The following RARRES2 variants were observed in gnomAD, a reference collection of about 807,000 sequenced individuals.
RARRES2 encodes the protein retinoic acid receptor responder protein 2.
In RARRES2, 12 loss-of-function variants were observed where a neutral mutation model predicts 17.9. That is an observed-to-expected ratio of 0.67 (90% confidence interval 0.43 to 1.08). The LOEUF (loss-of-function observed/expected upper bound fraction) is 1.08. RARRES2 is among the 50% of genes least tolerant of loss of function. The pLI, the probability that RARRES2 is intolerant of heterozygous loss-of-function variation, is 0.00. For missense variants in RARRES2, 220 were observed against 210.1 expected (o/e 1.05, Z -0.29); for synonymous variants, 82 against 86.8 (o/e 0.94, Z 0.31).
At chr7:150,340,856 A>G (rs1035930840) in intron 1 of RARRES2, 3 of 435,154 alleles carry the variant, frequency 6.9e-6, no homozygotes, top group African/African-American at 6.5e-5. Flanking sequence ...TGGGGCCTGC[A>G]GTTTTAGCAA....
intron 3 of RARRES2, 72 bp downstream of exon 3, chr7:150,340,028 C>G (rs978691785): frequency 9.4e-6 from 13 of 1,381,108 alleles, no homozygotes; most frequent in Non-Finnish European, 1.2e-5. Context: ...GGCATGTGCC[C>G]CACACCCCAA....
Position 150,340,103 on chromosome 7 carries a change from A to T in RARRES2, c.276T>A (p.Asn92Lys). 6.2e-7 allele frequency: 1 copy of T among 1,613,390 alleles called. No homozygotes were observed. Among genetic ancestry groups the T allele is most frequent in the Non-Finnish European group, 8.5e-7 (1 of 1,179,538 alleles). ...WKKPECKVRP[N>K]GRKRKCLACI... is the part of the protein sequence containing the mutation. Reference sequence around the variant, plus strand: ...GCTCTCACACCCCTTCACTCACCCCATTGGGCCTGACTTTGCACTCGGGTT... The same window carrying T: ...GCTCTCACACCCCTTCACTCACCCCTTTGGGCCTGACTTTGCACTCGGGTT... Residue 92 changes from asparagine to lysine, a missense_variant, in exon 3 of 6, where the codon AAT (asparagine) becomes AAA (lysine). Asn to Lys is a moderately conservative substitution (Grantham distance 94, BLOSUM62 0). Transcript: ENST00000223271.
chr7:150,338,898 A>G (rs918072436), intron 4 of RARRES2, 88 bp downstream of exon 4: 5 of 1,542,430 alleles, frequency 3.2e-6, no homozygotes, highest in Non-Finnish European at 4.5e-6. Flanking sequence ...TGCTTGGCCA[A>G]GCTTTAGCCT....
intron 1 of RARRES2, 185 bp from the exon 2 acceptor site, chr7:150,340,814 C>T (rs2129618615): frequency 1.8e-6 from 1 of 545,966 alleles, no homozygotes; most frequent in Non-Finnish European, 3.1e-6. Flanking sequence ...CTGGCCCTCT[C>T]CGTTCCCTCC....
chr7:150,338,859 C>T lies in RARRES2; in HGVS notation c.376-118G>A, dbSNP rs531994304. ...TTGGAGAATGTCCAAACAGGCACAG[C>T]GCTTTCTAGCCCCCACTGCCCTCCC... On this transcript the variant is annotated intron_variant, in intron 4 of 5. Coordinates refer to ENST00000223271, the MANE Select transcript of RARRES2 (RefSeq NM_002889.4). 26 of 1,555,462 alleles carry T rather than the reference C, an allele frequency of 1.7e-5. 1 individual carries two copies. Among genetic ancestry groups the T allele is most frequent in the Middle Eastern group, 3.4e-4 (2 of 5,816 alleles).
At chr7:150,340,018 G>A in intron 3 of RARRES2, 82 bp downstream of exon 3, 1 of 1,219,064 alleles carries the variant, frequency 8.2e-7, no homozygotes, top group South Asian at 1.3e-5. Flanking sequence ...TGCACACCCA[G>A]GCATGTGCCC....
In RARRES2 at chr7:150,340,215, ACAGG is replaced by A; in HGVS notation, c.175-15_175-12del. 7 of 1,613,636 alleles carry A rather than the reference ACAGG, an allele frequency of 4.3e-6. No homozygotes were observed. The highest frequency in any genetic ancestry group is 5.9e-6 in the Non-Finnish European group (7 of 1,179,638). On this transcript the variant is annotated splice_polypyrimidine_tract_variant and intron_variant, in intron 2 of 5. Coordinates refer to ENST00000223271, the MANE Select transcript of RARRES2 (RefSeq NM_002889.4). ...TCCAGCTGGGAAGGGCTGCGGACAG[ACAGG>A]CAGGCAGAGGATGGCCGGTAGCCAG...
At chr7:150,338,868 GC>G (rs1276395366) in intron 4 of RARRES2, 117 bp downstream of exon 4, 4 of 1,541,032 alleles carry the variant, frequency 2.6e-6, no homozygotes, top group Non-Finnish European at 3.6e-6. Flanking sequence ...GCGCTTTCTA[GC>G]CCCCACTGCC....
In RARRES2 at chr7:150,340,624, C is replaced by A; in HGVS notation, c.-15G>T. 6.7e-7 allele frequency: 1 copy of A among 1,490,630 alleles called. No homozygotes were observed. The highest frequency in any genetic ancestry group is 1.3e-5 in the South Asian group (1 of 78,350). The allele number at this position is 1,490,630 out of a possible 1,614,324, so 92.3% of individuals were successfully genotyped here. A position where few individuals can be genotyped will look rare whatever the true frequency, so the allele number is the denominator to read the frequency against. On this transcript the variant is annotated 5_prime_UTR_variant, in exon 2 of 6. It adds an upstream start codon to the 5' untranslated region. Transcript: ENST00000223271. ...AGCCGTCGCATGCTTCCGTGTCACC[C>A]TGGCCCTGCGAAGCGGGTGTGCGCC...
intron 1 of RARRES2, 155 bp downstream of exon 1, chr7:150,341,423 G>C (rs1247224097): frequency 2.0e-5 from 3 of 152,418 alleles, no homozygotes; most frequent in African/African-American, 7.2e-5. Context: ...CGTCGGTCCT[G>C]GTGGTCTTGG....
chr7:150,340,474 C>T lies in RARRES2; in HGVS notation c.136G>A (p.Ala46Thr). 6.2e-7 allele frequency: 1 copy of T among 1,610,114 alleles called. No homozygotes were observed. The highest frequency in any genetic ancestry group is 8.5e-7 in the Non-Finnish European group (1 of 1,178,074). ...EFHKHPPVQW[A>T]FQETSVESAV... ...CTCTCCACACTGGTCTCCTGGAAGG[C>T]CCACTGCACGGGCGGGTGCTTGTGA... The change falls in exon 2 of 6, where the codon GCC becomes ACC. Residue 46 changes from alanine to threonine, a missense_variant. Coordinates refer to ENST00000223271, the MANE Select transcript of RARRES2 (RefSeq NM_002889.4).
At position 150,340,640 on chromosome 7, in the gene RARRES2, GGTGTGC is replaced by G. The variant is rs1798463272; in HGVS notation, c.-20-17_-20-12del. ...CGTGTCACCCTGGCCCTGCGAAGCG[GGTGTGC>G]GCCCCTCAGCTCTCCGAGCCAGCCC... On this transcript the variant is annotated splice_polypyrimidine_tract_variant and intron_variant, in intron 1 of 5. Coordinates refer to ENST00000223271, the MANE Select transcript of RARRES2 (RefSeq NM_002889.4). 1.4e-6 allele frequency: 2 copies of G among 1,473,186 alleles called. No homozygotes were observed. Among genetic ancestry groups the G allele is most frequent in the Non-Finnish European group, 1.8e-6 (2 of 1,110,960 alleles). The allele number at this position is 1,473,186 out of a possible 1,614,324, so 91.3% of individuals were successfully genotyped here. A position where few individuals can be genotyped will look rare whatever the true frequency, so the allele number is the denominator to read the frequency against.
rs762377599 is a variant in RARRES2, at chr7:150,339,010, G to A, written c.351C>T (p.Cys117=). 1.2e-6 allele frequency: 2 copies of A among 1,611,656 alleles called. No homozygotes were observed. Among genetic ancestry groups the A allele is most frequent in the Admixed American group, 1.7e-5 (1 of 60,022 alleles). Residue 117 remains cysteine, a synonymous_variant, in exon 4 of 6, where the codon TGC becomes TGT. Coordinates refer to ENST00000223271, the MANE Select transcript of RARRES2 (RefSeq NM_002889.4). ...CCCGCAGAACTTGGGTCTCTATGGGGCAGTGGACCAACCGGCCCAGAACTT... is the reference window on the plus strand; with the variant it reads ...CCCGCAGAACTTGGGTCTCTATGGGACAGTGGACCAACCGGCCCAGAACTT... ...EDKVLGRLVH[C]PIETQVLREA... is the part of the protein sequence containing the mutation.
In RARRES2 at chr7:150,338,967, C is replaced by T; in HGVS notation, c.375+19G>A. 1 of 1,580,238 alleles carries T rather than the reference C, an allele frequency of 6.3e-7. No individual in the cohort carries two copies. The highest frequency in any genetic ancestry group is 8.7e-7 in the Non-Finnish European group (1 of 1,149,330). On this transcript the variant is annotated intron_variant, in intron 4 of 5. Coordinates refer to ENST00000223271, the MANE Select transcript of RARRES2 (RefSeq NM_002889.4). Reference sequence around the variant, plus strand: ...CTTCCCAGCCCTGTCACCACCTGTGCACCCTTGCCCCTTCTTACCCGCAGA... The same window carrying T: ...CTTCCCAGCCCTGTCACCACCTGTGTACCCTTGCCCCTTCTTACCCGCAGA...
At chr7:150,340,025 GCCCCACA>G (rs1383568093) in intron 3 of RARRES2, 68 bp downstream of exon 3, 2 of 1,321,568 alleles carry the variant, frequency 1.5e-6, no homozygotes, top group Non-Finnish European at 2.2e-6. Context: ...CCAGGCATGT[GCCCCACA>G]CCCCAAACCC....
At position 150,340,571 on chromosome 7, in the gene RARRES2, A is replaced by G. The variant is rs1047207; in HGVS notation, c.39T>C (p.Gly13=). Residue 13 remains glycine (G), a synonymous_variant, in exon 2 of 6, where the codon GGT becomes GGC. Coordinates refer to ENST00000223271, the MANE Select transcript of RARRES2 (RefSeq NM_002889.4). ...RLLIPLALWL[G]AVGVGVAELT... ...GCTCGGCGACGCCCACGCCCACCGCACCCAGCCACAGGGCCAGAGGGATCA... is the reference window on the plus strand; with the variant it reads ...GCTCGGCGACGCCCACGCCCACCGCGCCCAGCCACAGGGCCAGAGGGATCA... The G allele has an allele frequency of 0.28, 440,212 of 1,560,384 alleles. 66,305 individuals carry two copies. Among genetic ancestry groups the G allele is most frequent in the African/African-American group, 0.57 (41,851 of 73,692 alleles).
chr7:150,340,704 G>T (rs534584029), intron 1 of RARRES2, 75 bp from the exon 2 acceptor site: 1 of 1,302,214 alleles, frequency 7.7e-7, no homozygotes, highest in Non-Finnish European at 1.0e-6. Flanking sequence ...GCTCTGGGGG[G>T]AGGGTGGGGA....
chr7:150,340,506 T>C lies in RARRES2; in HGVS notation c.104A>G (p.Glu35Gly). Residue 35 changes from glutamate (E) to glycine (G), a missense_variant, in exon 2 of 6, where the codon GAG becomes GGG. Physicochemically the swap from Glu to Gly is moderately conservative, Grantham distance 98 (BLOSUM62 -2). Transcript: ENST00000223271. ...CACGGGCGGGTGCTTGTGAAATTCC[T>C]CCAGGGCCACCTGCAGGCCCCGGCG... ...AQRRGLQVAL[E>G]EFHKHPPVQW... is the part of the protein sequence containing the mutation. The C allele has an allele frequency of 1.2e-6, 2 of 1,603,294 alleles. No homozygotes were observed. The highest frequency in any genetic ancestry group is 2.2e-5 in the East Asian group (1 of 44,448).
At chr7:150,340,657 T>A (rs1457841017) in intron 1 of RARRES2, 28 bp from the exon 2 acceptor site, 2 of 1,439,234 alleles carry the variant, frequency 1.4e-6, no homozygotes, top group Admixed American at 5.1e-5. Flanking sequence ...GCCCCTCAGC[T>A]CTCCGAGCCA....
Sources: gnomAD v4.1 joint callset for allele counts on GRCh38, gnomAD v4.1.1 for gene constraint, MANE v1.5 for transcripts, NCBI Gene and HGNC (gene_info 2026-07-23, HGNC 2026-07-21) for gene names.